Variants in AVEN observed in about 807,000 individuals in gnomAD.
AVEN encodes the protein apoptosis and caspase activation inhibitor.
Under a neutral mutation model 38.1 loss-of-function variants are expected in AVEN, and 41 were observed. The observed-to-expected ratio is 1.08, with a 90% CI of 0.84 to 1.40. The LOEUF is 1.40. Among genes scored for constraint, AVEN ranks in the 40% most tolerant of loss-of-function variants. AVEN has a pLI of 0.00. For synonymous variants in AVEN, 206 were observed against 171.8 expected (o/e 1.20, Z -1.56); for missense variants, 605 against 438.8 (o/e 1.38, Z -3.38).
upstream of AVEN, among the ~76,000 whole-genome samples, chr15:34,042,122 T>G (rs1899498002): frequency 6.6e-6 from 1 of 152,200 alleles, no homozygotes; most frequent in South Asian, 2.1e-4. Flanking sequence ...TTATTAAGGT[T>G]TAAAAATACC....
chr15:34,054,336 C>T lies in AVEN; in HGVS notation n.1637+8586G>A, dbSNP rs563274456. Among the ~76,000 whole-genome samples, 23 of 152,176 alleles carry T rather than the reference C, an allele frequency of 1.5e-4. 1 individual carries two copies. The highest frequency in any genetic ancestry group is 1.3e-3 in the Admixed American group (20 of 15,280). ...AGTAATCTCATTACTGAGTATATAC[C>T]CAAGGGACTATAAATCATTCTATCA... On this transcript the variant is annotated intron_variant and non_coding_transcript_variant, in intron 5 of 11. Coordinates refer to the AVEN transcript ENST00000675287.
rs994605642 is a variant in AVEN, at chr15:33,935,469, T to C, written c.446-59474A>G. ...TTGTTGCATTAGAAAAGCTGCTATA[T>C]ATATTTGTGTATATATGTGTATATA... On this transcript the variant is annotated intron_variant, in intron 2 of 5. Transcript: ENST00000306730. Among the ~76,000 whole-genome samples the C allele has an allele frequency of 3.9e-5, 4 of 103,062 alleles. No homozygotes were observed. The South Asian group carries it at 1.2e-3, about 32-fold the overall frequency. 67.6% of individuals were successfully genotyped at this position (103,062 alleles called of 152,430 possible).
At chr15:33,853,413 C>CT in the AVEN span, 3 of 1,137,908 alleles carry the variant, frequency 2.6e-6, no homozygotes, top group South Asian at 2.1e-5. Context: ...TGGGTTTTCT[C>CT]TTTTTTCTGC....
At chr15:33,953,992 G>GATAT (rs1385524125) in intron 2 of AVEN, among the ~76,000 whole-genome samples, 1 of 152,058 alleles carries the variant, frequency 6.6e-6, no homozygotes, top group Non-Finnish European at 1.5e-5. Flanking sequence ...GTGGGCAAAG[G>GATAT]ATATGAACAG....
intron 1 of AVEN, among the ~76,000 whole-genome samples, chr15:34,021,471 T>C (rs1346801696): frequency 2.0e-5 from 3 of 152,092 alleles, no homozygotes; most frequent in Middle Eastern, 3.4e-3. Flanking sequence ...TTTTAGTATA[T>C]ACGGGGTTTC....
downstream of AVEN, chr15:33,854,484 C>T (rs757433632): frequency 1.1e-5 from 17 of 1,512,708 alleles, no homozygotes; most frequent in Non-Finnish European, 1.5e-5. Context: ...AAATTCTATA[C>T]CCCAGTTCAG....
upstream of AVEN, among the ~76,000 whole-genome samples, chr15:34,040,800 C>T (rs2684943): frequency 0.48 from 72,145 of 151,718 alleles, 20,510 homozygotes; most frequent in Non-Finnish European, 0.64. Flanking sequence ...TGCCTATAGT[C>T]CCACTACTTG....
chr15:34,035,395 G>A (rs899318787), intron 1 of AVEN, among the ~76,000 whole-genome samples: 1 of 152,036 alleles, frequency 6.6e-6, no homozygotes, highest in Non-Finnish European at 1.5e-5. Context: ...AAAATAATCA[G>A]GCATGTGAAA....
intron 2 of AVEN, among the ~76,000 whole-genome samples, chr15:33,953,242 C>T (rs1377860101): frequency 6.6e-6 from 1 of 152,050 alleles, no homozygotes; most frequent in Non-Finnish European, 1.5e-5. Context: ...ATGCCATCCC[C>T]ATCAAGCTAC....
At chr15:33,989,155 C>A (rs597172) in intron 2 of AVEN, among the ~76,000 whole-genome samples, 115,798 of 142,714 alleles carry the variant, frequency 0.81, 44,503 homozygotes, top group African/African-American at 0.86. Flanking sequence ...CAAACACACA[C>A]AAAAAAGCTA....
chr15:33,857,908 G>A (rs1277595275), downstream of AVEN: 1 of 1,614,076 alleles, frequency 6.2e-7, no homozygotes, highest in South Asian at 1.1e-5. Flanking sequence ...GCGACGACAT[G>A]ATGACGGTGA....
At chr15:33,992,305 G>A (rs773438005) in intron 2 of AVEN, among the ~76,000 whole-genome samples, 15 of 152,182 alleles carry the variant, frequency 9.9e-5, no homozygotes, top group Non-Finnish European at 2.1e-4. Context: ...GAGGAGAATG[G>A]CGTCAGCCCG....
At chr15:33,949,199 A>AT (rs887325660) in intron 2 of AVEN, among the ~76,000 whole-genome samples, 10 of 149,938 alleles carry the variant, frequency 6.7e-5, no homozygotes, top group Non-Finnish European at 1.3e-4. Flanking sequence ...AATTTTTTGC[A>AT]TTTTTTTTAG....
In AVEN at chr15:33,867,521, T is replaced by C. The variant is rs1029024636; in HGVS notation, c.947A>G (p.Asp316Gly). The change falls in exon 5 of 6, where the codon GAT becomes GGT. Residue 316 changes from aspartate (D) to glycine (G), a missense_variant. Transcript: ENST00000306730. ...TTCTTCCTCTTGGACCACCTCCCCATCTTCCTTGGATTTCAGGTCCTGAGA... is the reference window on the plus strand; with the variant it reads ...TTCTTCCTCTTGGACCACCTCCCCACCTTCCTTGGATTTCAGGTCCTGAGA... ...QTSQDLKSKEDGEVVQEEEVC... is the reference protein window; with the variant it reads ...QTSQDLKSKEGGEVVQEEEVC... 6 of 1,591,018 alleles carry C rather than the reference T, an allele frequency of 3.8e-6. No individual in the cohort carries two copies. The Admixed American group carries it at 7.2e-5, about 19-fold the overall frequency.
In AVEN at chr15:33,929,403, G is replaced by A. The variant is rs576250081; in HGVS notation, c.446-53408C>T. On this transcript the variant is annotated intron_variant, in intron 2 of 5. Coordinates refer to ENST00000306730, the MANE Select transcript of AVEN (RefSeq NM_020371.3). The stretch of plus-strand genomic sequence containing the variant: ...AGTGAGTTGCCCACACTGCATAGCT[G>A]TAGACAGTCTTTCAACTGATAGGAC... 1.1e-4 allele frequency among the ~76,000 whole-genome samples: 17 copies of A among 152,308 alleles called. No homozygotes were observed. The South Asian group carries it at 3.3e-3, about 30-fold the overall frequency.
chr15:33,865,411 CTG>C, downstream of AVEN: 1 of 549,548 alleles, frequency 1.8e-6, no homozygotes, highest in Non-Finnish European at 3.2e-6. Context: ...TGGACATACA[CTG>C]TGGGAGAGAA....
chr15:33,978,520 C>T (rs1895993659), intron 2 of AVEN, among the ~76,000 whole-genome samples: 1 of 151,860 alleles, frequency 6.6e-6, no homozygotes, highest in African/African-American at 2.4e-5. Context: ...AAAAATTAGC[C>T]GGCATGGTGG....
intron 2 of AVEN, among the ~76,000 whole-genome samples, chr15:33,949,881 A>G (rs1268920569): frequency 1.3e-5 from 2 of 152,226 alleles, no homozygotes; most frequent in East Asian, 1.9e-4. Flanking sequence ...GGCCAAAATG[A>G]AATCAGTATC....
At chr15:34,062,742 G>A in intron 5 of AVEN, 4 of 1,612,624 alleles carry the variant, frequency 2.5e-6, no homozygotes, top group Non-Finnish European at 1.7e-6. Flanking sequence ...TTACCACAAT[G>A]CAACCACCGT....
Sources: gnomAD v4.1 joint callset for allele counts (sites outside exome capture counted in the v4.1 genomes callset) on GRCh38, gnomAD v4.1.1 for gene constraint, MANE v1.5 for transcripts, NCBI Gene and HGNC (gene_info 2026-07-23, HGNC 2026-07-21) for gene names.